AP2A1: variants seen among roughly 807,000 people sequenced by gnomAD.
AP2A1 encodes the protein AP-2 complex subunit alpha-1.
AP2A1 carries 21 observed loss-of-function variants against 107.3 expected under a neutral mutation model. The ratio of observed to expected loss-of-function variants is 0.20; its 90% CI spans 0.14 to 0.28. AP2A1 has a LOEUF of 0.28. AP2A1 is among the 10% of genes least tolerant of loss of function. The pLI is 1.00. For synonymous variants in AP2A1, 602 were observed against 564.8 expected (o/e 1.07, Z -0.93); for missense variants, 873 against 1,307.7 (o/e 0.67, Z 5.13).
rs1283929370 is a variant in AP2A1 at position 49,799,951 on chromosome 19, A to T, written c.1273-17A>T. 4 of 1,611,230 alleles carry T rather than the reference A, an allele frequency of 2.5e-6. No homozygotes were observed. Among genetic ancestry groups the T allele is most frequent in the African/African-American group, 2.7e-5 (2 of 74,888 alleles). ...CATGGCCTGCGGCACACTCTCTCTC[A>T]CACGCCCCGGCGGCAGGTCCTGAAG... On this transcript the variant is annotated splice_polypyrimidine_tract_variant and intron_variant, in intron 10 of 22. Transcript: ENST00000354293.
Position 49,792,182 on chromosome 19 carries a change from C to T in AP2A1, c.603+118C>T, listed in dbSNP as rs372089995. The T allele has an allele frequency of 2.0e-5, 22 of 1,127,074 alleles. No individual in the cohort carries two copies. The East Asian group carries it at 4.8e-4, about 24-fold the overall frequency. The allele number at this position is 1,127,074 out of a possible 1,614,324, so 69.8% of individuals were successfully genotyped here. A position where few individuals can be genotyped will look rare whatever the true frequency, so the allele number is the denominator to read the frequency against. On this transcript the variant is annotated intron_variant, in intron 5 of 22. Transcript: ENST00000354293. ...CACCCCCGGATACCCAGGGCTCCCA[C>T]CTCAGCCCACGCACCCCCTGGATGC...
intron 7 of AP2A1, among the ~76,000 whole-genome samples, chr19:49,797,739 A>T (rs1366443645): frequency 6.6e-6 from 1 of 152,092 alleles, no homozygotes; most frequent in Non-Finnish European, 1.5e-5. Flanking sequence ...AAAAAATAAA[A>T]AAATAAAAAA....
At position 49,782,512 on chromosome 19, in the gene AP2A1, A is replaced by T. The variant is rs755588022; in HGVS notation, c.280-19A>T. 8.1e-6 allele frequency: 13 copies of T among 1,609,306 alleles called. No homozygotes were observed. The highest frequency in any genetic ancestry group is 1.7e-4 in the Middle Eastern group (1 of 6,056). ...TCAGTCACAAGGCTCCTAGCCATCCACGACCTCCCTCCCCACAGGGTTACC... is the reference window on the plus strand; with the variant it reads ...TCAGTCACAAGGCTCCTAGCCATCCTCGACCTCCCTCCCCACAGGGTTACC... On this transcript the variant is annotated intron_variant, in intron 3 of 22. Coordinates refer to ENST00000354293, the MANE Select transcript of AP2A1 (RefSeq NM_130787.3).
chr19:49,798,891 C>G lies in AP2A1; in HGVS notation c.904C>G (p.His302Asp). 1 of 1,576,086 alleles carries G rather than the reference C, an allele frequency of 6.3e-7. No individual in the cohort carries two copies. The highest frequency in any genetic ancestry group is 8.6e-7 in the Non-Finnish European group (1 of 1,161,096). The change falls in exon 8 of 23, where the codon CAT (histidine) becomes GAT (aspartate). Residue 302 changes from histidine (H) to aspartate (D), a missense_variant. Around this residue, in one of 4 missense-constraint regions of AP2A1, gnomAD observed 213 missense variants for 443.5 expected, o/e 0.48. Transcript: ENST00000354293. ...QEPPKSKKVQ[H>D]SNAKNAILFE... is the part of the protein sequence containing the mutation. ...GCCCCCCAAATCCAAGAAGGTGCAG[C>G]ATTCCAACGCCAAGAACGCCATCCT...
intron 1 of AP2A1, among the ~76,000 whole-genome samples, chr19:49,772,255 T>TTTTGTTTTG (rs2084568512): frequency 3.4e-5 from 4 of 117,140 alleles, no homozygotes; most frequent in East Asian, 2.7e-4. Flanking sequence ...AGTTTTTTTT[T>TTTTGTTTTG]TTTTTTTTTT....
chr19:49,776,120 T>C (rs370097487), intron 1 of AP2A1, among the ~76,000 whole-genome samples: 3 of 151,740 alleles, frequency 2.0e-5, no homozygotes, highest in African/African-American at 7.3e-5. Flanking sequence ...GCCCCTCCCA[T>C]GGCCCCCCCC....
Position 49,802,752 on chromosome 19 carries a change from CG to C in AP2A1, c.2115-192del, listed in dbSNP as rs746558527. Reference sequence around the variant, plus strand: ...AAGGGAAACTTGGTGTCTGCCGATGCGGGGGCACGGGCCAGGGTTCTATTCC... The same window carrying C: ...AAGGGAAACTTGGTGTCTGCCGATGCGGGGCACGGGCCAGGGTTCTATTCC... On this transcript the variant is annotated intron_variant, in intron 15 of 22. Coordinates refer to ENST00000354293, the MANE Select transcript of AP2A1 (RefSeq NM_130787.3). 128 of 1,002,356 alleles carry C rather than the reference CG, an allele frequency of 1.3e-4. 2 individuals are homozygous for C. The Middle Eastern group carries it at 1.3e-3, about 10-fold the overall frequency. 62.1% of individuals were successfully genotyped at this position (1,002,356 alleles called of 1,614,324 possible). A position where few individuals can be genotyped will look rare whatever the true frequency, so the allele number is the denominator to read the frequency against.
intron 1 of AP2A1, among the ~76,000 whole-genome samples, chr19:49,773,253 T>C (rs865884115): frequency 1.3e-5 from 2 of 152,282 alleles, no homozygotes; most frequent in Middle Eastern, 3.4e-3. Context: ...GAGCAAGGGC[T>C]GGGGCTGCCT....
At chr19:49,792,779 C>G (rs2073162810) in intron 5 of AP2A1, among the ~76,000 whole-genome samples, 1 of 152,146 alleles carries the variant, frequency 6.6e-6, no homozygotes, top group Admixed American at 6.5e-5. Flanking sequence ...GCCAGGGACA[C>G]CCCACACACC....
At position 49,793,134 on chromosome 19, in the gene AP2A1, C is replaced by T. The variant is rs181413803; in HGVS notation, c.705+42C>T. On this transcript the variant is annotated intron_variant, in intron 6 of 22. Coordinates refer to ENST00000354293, the MANE Select transcript of AP2A1 (RefSeq NM_130787.3). The stretch of plus-strand genomic sequence containing the variant: ...TATTGGCTGCTGGAGGTGGCCCTGG[C>T]ATCCCTATGCCCTCTGACACCCCTC... 5,104 of 1,522,160 alleles carry T rather than the reference C, an allele frequency of 3.4e-3. 62 individuals are homozygous for T. The highest frequency in any genetic ancestry group is 3.2e-3 in the Non-Finnish European group (3,590 of 1,120,346). 94.3% of individuals were successfully genotyped at this position (1,522,160 alleles called of 1,614,324 possible).
At chr19:49,803,606 T>C (rs762629318) in intron 18 of AP2A1, 1 of 563,650 alleles carries the variant, frequency 1.8e-6, no homozygotes, top group Non-Finnish European at 3.2e-6. Context: ...GAACTCCACC[T>C]GCTCCAGGCC....
chr19:49,781,474 T>C (rs1391340653), intron 1 of AP2A1, among the ~76,000 whole-genome samples: 1 of 151,980 alleles, frequency 6.6e-6, no homozygotes, highest in African/African-American at 2.4e-5. Context: ...TCTGGGGCCC[T>C]GAGGAGCCCC....
intron 8 of AP2A1, 73 bp from the exon 9 acceptor site, chr19:49,799,254 G>T (rs1390642125): frequency 1.3e-6 from 2 of 1,519,984 alleles, no homozygotes; most frequent in African/African-American, 2.7e-5. Context: ...AGATGGGTCA[G>T]CTGGGGCCCG....
intron 7 of AP2A1, chr19:49,796,664 G>C (rs563174035): frequency 1.3e-5 from 2 of 152,326 alleles, no homozygotes; most frequent in African/African-American, 4.8e-5. Flanking sequence ...CATCCCCTGT[G>C]TGTGGATGTG....
chr19:49,776,466 G>C (rs1600217383), intron 1 of AP2A1, among the ~76,000 whole-genome samples: 1 of 152,116 alleles, frequency 6.6e-6, no homozygotes, highest in East Asian at 1.9e-4. Context: ...CAGAATACTT[G>C]CCACTGTCCC....
chr19:49,791,819 T>A, intron 4 of AP2A1, 116 bp from the exon 5 acceptor site: 1 of 1,371,226 alleles, frequency 7.3e-7, no homozygotes, highest in Non-Finnish European at 9.8e-7. Flanking sequence ...CGCCTGGCTG[T>A]CTGTCCCTCT....
chr19:49,800,158 T>TCCCTGA lies in AP2A1; in HGVS notation c.1455+19_1455+24dup. The TCCCTGA allele has an allele frequency of 6.2e-7, 1 of 1,603,670 alleles. No homozygotes were observed. Among genetic ancestry groups the TCCCTGA allele is most frequent in the African/African-American group, 1.3e-5 (1 of 74,850 alleles). Reference sequence around the variant, plus strand: ...GCCAAGACCGTCTTTGAGGTCAGCATCCCTGACCCTGACCCTATGACCCCA... The same window carrying TCCCTGA: ...GCCAAGACCGTCTTTGAGGTCAGCATCCCTGACCCTGACCCTGACCCTATGACCCCA... On this transcript the variant is annotated intron_variant, in intron 11 of 22. Transcript: ENST00000354293.
At chr19:49,787,946 G>A (rs1310120671) in intron 4 of AP2A1, among the ~76,000 whole-genome samples, 1 of 152,198 alleles carries the variant, frequency 6.6e-6, no homozygotes, top group East Asian at 1.9e-4. Context: ...ACATTGTGGT[G>A]CATATCCGTG....
At chr19:49,790,627 T>C (rs978841354) in intron 4 of AP2A1, among the ~76,000 whole-genome samples, 9 of 152,272 alleles carry the variant, frequency 5.9e-5, no homozygotes, top group Non-Finnish European at 1.2e-4. Flanking sequence ...CTCCAACTCT[T>C]GGGCTCAAGT....
Sources: gnomAD v4.1 joint callset for allele counts (sites outside exome capture counted in the v4.1 genomes callset) on GRCh38, gnomAD v4.1.1 for gene constraint, gnomAD v4.1.1 regional missense constraint, MANE v1.5 for transcripts, NCBI Gene and HGNC (gene_info 2026-07-23, HGNC 2026-07-21) for gene names.